The following METRNL variants were observed in gnomAD, a reference collection of about 807,000 sequenced individuals.
The protein encoded by METRNL is meteorin-like protein.
Under a neutral mutation model 17.4 loss-of-function variants are expected in METRNL, and 9 were observed. The ratio of observed to expected loss-of-function variants is 0.52; its 90% CI spans 0.31 to 0.90. The LOEUF (loss-of-function observed/expected upper bound fraction) is 0.90, where lower values mean the gene tolerates loss of function less well. Among genes scored for constraint, METRNL ranks in the 40% least tolerant of loss-of-function variants. The probability of loss-of-function intolerance (pLI) is 0.05; values close to 1 mark genes in which losing one functional copy is unlikely to be tolerated. For missense variants in METRNL, 408 were observed against 430.7 expected (o/e 0.95, Z 0.47); for synonymous variants, 215 against 199.3 (o/e 1.08, Z -0.66).
intron 2 of METRNL, among the ~76,000 whole-genome samples, chr17:83,089,936 G>A (rs1051308921): frequency 4.0e-5 from 6 of 151,724 alleles, no homozygotes; most frequent in African/African-American, 1.2e-4. Flanking sequence ...CCTGCCGTCA[G>A]CCGGGTGAGC....
intron 2 of METRNL, among the ~76,000 whole-genome samples, chr17:83,087,136 C>A (rs1261378910): frequency 6.6e-6 from 1 of 152,144 alleles, no homozygotes; most frequent in Non-Finnish European, 1.5e-5. Context: ...CCTGTGGGGT[C>A]CTGCGCAGGT....
At chr17:83,085,421 C>A in intron 2 of METRNL, 98 bp downstream of exon 2, 2 of 1,427,144 alleles carry the variant, frequency 1.4e-6, no homozygotes, top group South Asian at 1.4e-5. Context: ...CTCGTCTGCT[C>A]AGCCTTGGTG....
rs982671663 is a variant in METRNL, at chr17:83,079,632, C to G, written c.-184C>G. On this transcript the variant is annotated 5_prime_UTR_variant, in exon 1 of 4. Coordinates refer to ENST00000320095, the MANE Select transcript of METRNL (RefSeq NM_001004431.3). ...TCAGAGGCTCGGCGGCGGCGGCGGG[C>G]GCGGAGCTCTGCGCGCGGCTCCAGC... 2 of 151,674 alleles carry G rather than the reference C, an allele frequency of 1.3e-5. No homozygotes were observed. The highest frequency in any genetic ancestry group is 6.8e-5 in the Admixed American group (1 of 14,736). 9.4% of individuals were successfully genotyped at this position (151,674 alleles called of 1,614,324 possible). A position where few individuals can be genotyped will look rare whatever the true frequency, so the allele number is the denominator to read the frequency against.
intron 2 of METRNL, among the ~76,000 whole-genome samples, chr17:83,092,212 C>T (rs1214855800): frequency 6.6e-6 from 1 of 152,308 alleles, no homozygotes; most frequent in East Asian, 1.9e-4. Flanking sequence ...CATCCCGCGG[C>T]CAGGTGGCAT....
chr17:83,079,716 C>A lies in METRNL; in HGVS notation c.-100C>A, dbSNP rs1397630264. 2.6e-5 allele frequency: 11 copies of A among 421,196 alleles called. No individual in the cohort carries two copies. The highest frequency in any genetic ancestry group is 3.1e-5 in the Non-Finnish European group (10 of 318,194). The allele number at this position is 421,196 out of a possible 1,614,324, so 26.1% of individuals were successfully genotyped here. A position where few individuals can be genotyped will look rare whatever the true frequency, so the allele number is the denominator to read the frequency against. On this transcript the variant is annotated 5_prime_UTR_variant, in exon 1 of 4. Transcript: ENST00000320095. The stretch of plus-strand genomic sequence containing the variant: ...GCGGGGGGCGCGCGACGTGACCACC[C>A]GGACTCGAAGCCCGCCCCGCCCCCG...
At chr17:83,087,449 G>T (rs139681819) in intron 2 of METRNL, among the ~76,000 whole-genome samples, 8,009 of 152,246 alleles carry the variant, frequency 0.053, 294 homozygotes, top group East Asian at 0.17. Context: ...CCTGGGCTGA[G>T]CACCTCCAGG....
At chr17:83,087,721 A>G (rs865911129) in intron 2 of METRNL, among the ~76,000 whole-genome samples, 1 of 152,016 alleles carries the variant, frequency 6.6e-6, no homozygotes, top group Non-Finnish European at 1.5e-5. Context: ...CCGTTCCTGC[A>G]CTTGCTGTAG....
At chr17:83,080,307 C>A (rs1052953605) in intron 1 of METRNL, 1 of 150,976 alleles carries the variant, frequency 6.6e-6, no homozygotes, top group African/African-American at 2.4e-5. Flanking sequence ...AGGCGGGGGT[C>A]GGTCCTCGGG....
intron 1 of METRNL, chr17:83,084,496 C>T (rs1005965596): frequency 4.6e-5 from 8 of 172,108 alleles, no homozygotes; most frequent in South Asian, 1.7e-4. Flanking sequence ...TGTGATACTC[C>T]GTGATATTCT....
chr17:83,091,539 C>T (rs1207866006), intron 2 of METRNL, among the ~76,000 whole-genome samples: 1 of 152,244 alleles, frequency 6.6e-6, no homozygotes, highest in Non-Finnish European at 1.5e-5. Context: ...CTCTGAGCAG[C>T]TGTCCCCGCC....
Position 83,085,132 on chromosome 17 carries a change from A to G in METRNL, c.365A>G (p.Glu122Gly). 6.2e-7 allele frequency: 1 copy of G among 1,613,588 alleles called. No individual in the cohort carries two copies. Among genetic ancestry groups the G allele is most frequent in the Non-Finnish European group, 8.5e-7 (1 of 1,179,958 alleles). The change falls in exon 2 of 4, where the codon GAA (glutamate) becomes GGA (glycine). Residue 122 changes from glutamate (E) to glycine (G), a missense_variant. By Grantham distance (98) the Glu-to-Gly change is moderately conservative (BLOSUM62 -2). Coordinates refer to ENST00000320095, the MANE Select transcript of METRNL (RefSeq NM_001004431.3). ...TCCTCGGGGGCCAATATTTATTTGGAAAAAACTGGAGAACTGAGACTGCTG... is the reference window on the plus strand; with the variant it reads ...TCCTCGGGGGCCAATATTTATTTGGGAAAAACTGGAGAACTGAGACTGCTG... ...TDSSGANIYL[E>G]KTGELRLLVP...
intron 1 of METRNL, chr17:83,084,381 T>G (rs1419324687): frequency 6.5e-6 from 1 of 153,758 alleles, no homozygotes; most frequent in African/African-American, 2.4e-5. Context: ...ATCCCAGGGC[T>G]CCTCCTTCAC....
intron 2 of METRNL, among the ~76,000 whole-genome samples, chr17:83,087,780 C>G (rs1157862920): frequency 8.8e-6 from 1 of 114,240 alleles, no homozygotes; most frequent in Non-Finnish European, 2.3e-5. Context: ...CCCCGCCGAG[C>G]CTGAGGTGAG....
At chr17:83,087,879 G>T (rs2143633361) in intron 2 of METRNL, among the ~76,000 whole-genome samples, 1 of 152,026 alleles carries the variant, frequency 6.6e-6, no homozygotes, top group East Asian at 1.9e-4. Flanking sequence ...GACTCAGGAG[G>T]ACAGAGGCTC....
At chr17:83,093,292 GC>G in intron 3 of METRNL, 66 bp downstream of exon 3, 2 of 1,378,392 alleles carry the variant, frequency 1.5e-6, no homozygotes, top group Non-Finnish European at 2.0e-6. Flanking sequence ...AGCTGTTTGG[GC>G]CCAGGAGTCC....
intron 1 of METRNL, among the ~76,000 whole-genome samples, chr17:83,080,507 C>G (rs2037970382): frequency 6.8e-6 from 1 of 147,104 alleles, no homozygotes; most frequent in Non-Finnish European, 1.5e-5. Flanking sequence ...CCGGGCCCCC[C>G]GCCCCTGCCC....
intron 2 of METRNL, among the ~76,000 whole-genome samples, chr17:83,092,093 C>T (rs567320542): frequency 2.0e-5 from 3 of 152,302 alleles, no homozygotes; most frequent in South Asian, 2.1e-4. Flanking sequence ...TGAGAAGCCT[C>T]CGTGCTTTCC....
intron 1 of METRNL, 128 bp downstream of exon 1, chr17:83,080,113 C>T (rs1417179207): frequency 8.5e-6 from 3 of 354,312 alleles, no homozygotes; most frequent in Non-Finnish European, 1.2e-5. Flanking sequence ...GGCCGCTCTC[C>T]AGGCCCAGTC....
chr17:83,093,534 C>A (rs775125371), intron 3 of METRNL, among the ~76,000 whole-genome samples: 1 of 152,244 alleles, frequency 6.6e-6, no homozygotes, highest in Non-Finnish European at 1.5e-5. Flanking sequence ...CCCAGCAGCT[C>A]TTCTTGCTGA....
Sources: allele counts gnomAD v4.1 joint callset (sites outside exome capture counted in the v4.1 genomes callset), GRCh38; gene constraint gnomAD v4.1.1; transcripts MANE v1.5; gene names NCBI Gene and HGNC (gene_info 2026-07-23, HGNC 2026-07-21).